The following ADAM19 variants were observed in gnomAD, a reference collection of about 807,000 sequenced individuals.
ADAM19 encodes the protein disintegrin and metalloproteinase domain-containing protein 19.
In ADAM19, 65 loss-of-function variants were observed where a neutral mutation model predicts 114.7. The observed-to-expected ratio is 0.57, with a 90% CI of 0.46 to 0.70. ADAM19 has a LOEUF of 0.70. Among genes scored for constraint, ADAM19 ranks in the 30% least tolerant of loss-of-function variants. ADAM19 has a pLI of 0.00. For missense variants in ADAM19, 1,063 were observed against 1,204.7 expected (o/e 0.88, Z 1.74); for synonymous variants, 466 against 460.5 (o/e 1.01, Z -0.15).
At position 157,481,912 on chromosome 5, in the gene ADAM19, G is replaced by A. The variant is rs1754765272; in HGVS notation, c.2582C>T (p.Ala861Val). The change falls in exon 22 of 23, where the codon GCA becomes GTA. Residue 861 changes from alanine (A) to valine (V), a missense_variant. Ala to Val is a moderately conservative substitution (Grantham distance 64, BLOSUM62 0). This residue lies in a region of ADAM19 where 424 missense variants were observed against 445.5 expected (regional missense o/e 0.95). Transcript: ENST00000257527. ...DFSRPRPPQKALPANPVPGRR... is the reference protein window; with the variant it reads ...DFSRPRPPQKVLPANPVPGRR... ...GCCTGGCACTGGGTTTGCCGGGAGT[G>A]CCTTCTGGGGCGGCCGAGGCCTGGA... 6.2e-7 allele frequency: 1 copy of A among 1,605,780 alleles called. No homozygotes were observed. The highest frequency in any genetic ancestry group is 8.5e-7 in the Non-Finnish European group (1 of 1,175,650).
intron 4 of ADAM19, among the ~76,000 whole-genome samples, chr5:157,531,804 T>C (rs1490832838): frequency 6.6e-6 from 1 of 151,436 alleles, no homozygotes; most frequent in African/African-American, 2.4e-5. Context: ...CATTTGAAGA[T>C]GGGGGCAGAG....
Position 157,497,016 on chromosome 5 carries a change from G to A in ADAM19, c.1472C>T (p.Ser491Phe). ...GTAGAAGTTGGTAGGGCAGTGGGGAGACTTGCCCGTACAGAACTCCGGGAG... is the reference window on the plus strand; with the variant it reads ...GTAGAAGTTGGTAGGGCAGTGGGGAAACTTGCCCGTACAGAACTCCGGGAG... ...CDLPEFCTGK[S>F]PHCPTNFYQM... The change falls in exon 14 of 23, where the codon TCT (serine) becomes TTT (phenylalanine). Residue 491 changes from serine (S) to phenylalanine (F), a missense_variant. This residue lies in a region of ADAM19 where 615 missense variants were observed against 706.3 expected (regional missense o/e 0.87). Coordinates refer to ENST00000257527, the MANE Select transcript of ADAM19 (RefSeq NM_033274.5). 1 of 1,594,606 alleles carries A rather than the reference G, an allele frequency of 6.3e-7. No individual in the cohort carries two copies. Among genetic ancestry groups the A allele is most frequent in the South Asian group, 1.1e-5 (1 of 88,126 alleles).
At chr5:157,567,785 G>T (rs1294481460) in intron 2 of ADAM19, among the ~76,000 whole-genome samples, 1 of 146,750 alleles carries the variant, frequency 6.8e-6, no homozygotes, top group Admixed American at 6.8e-5. Context: ...CAACAAGAGC[G>T]AAACTCCGTC....
chr5:157,534,735 C>T (rs899189230), intron 4 of ADAM19, among the ~76,000 whole-genome samples: 1 of 152,146 alleles, frequency 6.6e-6, no homozygotes, highest in African/African-American at 2.4e-5. Flanking sequence ...GTGATTCTGA[C>T]CACAATCTTA....
chr5:157,548,547 T>C (rs1400317866), intron 3 of ADAM19, among the ~76,000 whole-genome samples: 1 of 152,158 alleles, frequency 6.6e-6, no homozygotes, highest in Non-Finnish European at 1.5e-5. Context: ...CCTGCCCCAG[T>C]TGAGTTTGTG....
chr5:157,488,159 C>T (rs1450968480), intron 21 of ADAM19, 106 bp downstream of exon 21: 1 of 1,162,860 alleles, frequency 8.6e-7, no homozygotes, highest in Non-Finnish European at 1.2e-6. Context: ...AAAAGGCAGT[C>T]AGCTCATGAC....
intron 21 of ADAM19, among the ~76,000 whole-genome samples, chr5:157,487,563 G>A (rs988641409): frequency 6.6e-6 from 1 of 152,208 alleles, no homozygotes; most frequent in Non-Finnish European, 1.5e-5. Context: ...TGTCTGCACT[G>A]GGGGATCTCC....
intron 21 of ADAM19, among the ~76,000 whole-genome samples, chr5:157,483,295 A>G (rs905927670): frequency 1.3e-5 from 2 of 152,220 alleles, no homozygotes; most frequent in Admixed American, 1.3e-4. Flanking sequence ...CACGTGCACA[A>G]AAATGAAACT....
At position 157,500,213 on chromosome 5, in the gene ADAM19, T is replaced by C. The variant is rs193255307; in HGVS notation, c.1309-551A>G. On this transcript the variant is annotated intron_variant, in intron 12 of 22. Coordinates refer to ENST00000257527, the MANE Select transcript of ADAM19 (RefSeq NM_033274.5). ...AGCTACATCTTTTTTTGAGACAGTC[T>C]GCAACCTTCTCCTCCTAGGTTCAAG... Among the ~76,000 whole-genome samples the C allele has an allele frequency of 4.2e-4, 64 of 152,208 alleles. 1 individual carries two copies. Among genetic ancestry groups the C allele is most frequent in the African/African-American group, 1.5e-3 (64 of 41,520 alleles).
Position 157,496,912 on chromosome 5 carries a change from G to C in ADAM19, c.1576C>G (p.Gln526Glu). The change falls in exon 14 of 23, where the codon CAG (glutamine) becomes GAG (glutamate). Residue 526 changes from glutamine to glutamate, a missense_variant. Around this residue, in one of 3 missense-constraint regions of ADAM19, gnomAD observed 615 missense variants for 706.3 expected, o/e 0.87. Coordinates refer to ENST00000257527, the MANE Select transcript of ADAM19 (RefSeq NM_033274.5). The stretch of plus-strand genomic sequence containing the variant: ...GCCTTACCGGGTCCCCACAGCTGCT[G>C]GCACTGCTCCTGGTAGGTGAGGCAC... The part of the protein sequence containing the change: ...GMCLTYQEQC[Q>E]QLWGPGARPA... 4 of 1,588,344 alleles carry C rather than the reference G, an allele frequency of 2.5e-6. No homozygotes were observed. Among genetic ancestry groups the C allele is most frequent in the Non-Finnish European group, 3.4e-6 (4 of 1,168,898 alleles).
chr5:157,516,042 A>C (rs1644095111), intron 7 of ADAM19, among the ~76,000 whole-genome samples: 1 of 152,170 alleles, frequency 6.6e-6, no homozygotes, highest in Non-Finnish European at 1.5e-5. Context: ...TCTCTGCAGC[A>C]GGTTATAAAT....
chr5:157,509,356 T>G lies in ADAM19; in HGVS notation c.850A>C (p.Ser284Arg), dbSNP rs1422795. 3 of 1,612,700 alleles carry G rather than the reference T, an allele frequency of 1.9e-6. No homozygotes were observed. In the Admixed American group the frequency reaches 5.0e-5, roughly 27 times the overall value. Residue 284 changes from serine to arginine, a missense_variant, in exon 9 of 23, where the codon AGT becomes CGT. By Grantham distance (110) the Ser-to-Arg change is moderately radical. Coordinates refer to ENST00000257527, the MANE Select transcript of ADAM19 (RefSeq NM_033274.5). ...TGGGCAAGCAGCTTGCGCCTCCAAC[T>G]GAGAAAGGACCAGAGGGTAGAATAT... ...NPYSTLWSFL[S>R]WRRKLLAQKY...
chr5:157,500,031 G>A (rs958080396), intron 12 of ADAM19, among the ~76,000 whole-genome samples: 12 of 151,780 alleles, frequency 7.9e-5, no homozygotes, highest in Admixed American at 2.6e-4. Flanking sequence ...CACCTGCCTC[G>A]GCCTCCCAAA....
chr5:157,528,317 C>T (rs530584878), intron 5 of ADAM19, among the ~76,000 whole-genome samples: 1 of 152,320 alleles, frequency 6.6e-6, no homozygotes, highest in Non-Finnish European at 1.5e-5. Flanking sequence ...ACCCGGTATC[C>T]CCCTCCCTTT....
intron 12 of ADAM19, among the ~76,000 whole-genome samples, chr5:157,500,270 G>A (rs1490284967): frequency 6.7e-6 from 1 of 150,370 alleles, no homozygotes; most frequent in East Asian, 2.0e-4. Context: ...CCAAGTAGCT[G>A]GGACCACAGG....
At chr5:157,561,129 A>G (rs1469375307) in intron 3 of ADAM19, among the ~76,000 whole-genome samples, 7 of 152,202 alleles carry the variant, frequency 4.6e-5, no homozygotes, top group Non-Finnish European at 8.8e-5. Context: ...CCTGCACTCA[A>G]TAGAGAAAAG....
chr5:157,561,221 G>A (rs1757500652), intron 3 of ADAM19, among the ~76,000 whole-genome samples: 1 of 152,226 alleles, frequency 6.6e-6, no homozygotes, highest in African/African-American at 2.4e-5. Context: ...CCGCGCTATT[G>A]TAGGACACCT....
intron 15 of ADAM19, among the ~76,000 whole-genome samples, chr5:157,493,924 C>T (rs10476058): frequency 2.8e-3 from 420 of 152,354 alleles, no homozygotes; most frequent in African/African-American, 9.4e-3. Context: ...ACCAGCACCA[C>T]CTTCCACCCT....
At chr5:157,573,887 T>G (rs964480622) in intron 1 of ADAM19, among the ~76,000 whole-genome samples, 1 of 152,276 alleles carries the variant, frequency 6.6e-6, no homozygotes, top group African/African-American at 2.4e-5. Flanking sequence ...TCTCCAATGC[T>G]TGTATCACCC....
Sources: allele counts gnomAD v4.1 joint callset (sites outside exome capture counted in the v4.1 genomes callset), GRCh38; gene constraint gnomAD v4.1.1; regional missense constraint gnomAD v4.1.1; transcripts MANE v1.5; gene names NCBI Gene and HGNC (gene_info 2026-07-23, HGNC 2026-07-21).